Variants in SLC5A10 observed in about 807,000 individuals in gnomAD.
SLC5A10 encodes solute carrier family 5 member 10.
A neutral mutation model predicts 68.9 loss-of-function variants in SLC5A10; 55 were observed. The ratio of observed to expected loss-of-function variants is 0.80; its 90% CI spans 0.64 to 1.00. SLC5A10 has a LOEUF of 1.00. Among genes scored for constraint, SLC5A10 ranks in the 50% least tolerant of loss-of-function variants. SLC5A10 has a pLI of 0.00. For missense variants in SLC5A10, 732 were observed against 819.3 expected, an observed-to-expected ratio of 0.89 and a Z score of 1.30; for synonymous variants, 344 against 344.8, an observed-to-expected ratio of 1.00 and a Z score of 0.02.
intron 5 of SLC5A10, among the ~76,000 whole-genome samples, chr17:18,963,012 G>A (rs1266538835): frequency 1.3e-5 from 2 of 152,206 alleles, no homozygotes; most frequent in Non-Finnish European, 2.9e-5. Flanking sequence ...GAGCTCAGGA[G>A]TTCAAAACCA....
chr17:18,984,010 C>T (rs73306473), intron 9 of SLC5A10, among the ~76,000 whole-genome samples: 2,853 of 152,284 alleles, frequency 0.019, 90 homozygotes, highest in African/African-American at 0.064. Flanking sequence ...GTTAACAATG[C>T]CAAATGTCCC....
intron 9 of SLC5A10, among the ~76,000 whole-genome samples, chr17:19,002,279 AGCCAGGCCAGGG>A (rs1166881044): frequency 2.6e-5 from 4 of 152,358 alleles, no homozygotes; most frequent in Admixed American, 6.5e-5. Flanking sequence ...AATTGAGAGC[AGCCAGGCCAGGG>A]GCCAGGCGCC....
At chr17:19,001,558 C>G (rs1411618330) in intron 9 of SLC5A10, among the ~76,000 whole-genome samples, 3 of 152,254 alleles carry the variant, frequency 2.0e-5, no homozygotes, top group African/African-American at 7.2e-5. Context: ...CAGCTTCTTC[C>G]TGGCTATGTC....
At chr17:18,984,073 T>C (rs1360377396) in intron 9 of SLC5A10, among the ~76,000 whole-genome samples, 1 of 152,178 alleles carries the variant, frequency 6.6e-6, no homozygotes, top group Non-Finnish European at 1.5e-5. Flanking sequence ...CCGGGCGCGG[T>C]GGCTCACGCC....
At chr17:19,014,659 T>C (rs985738253) in intron 10 of SLC5A10, among the ~76,000 whole-genome samples, 1 of 152,218 alleles carries the variant, frequency 6.6e-6, no homozygotes, top group East Asian at 1.9e-4. Context: ...TGAGCTTCCA[T>C]TTCCTCATCT....
intron 5 of SLC5A10, among the ~76,000 whole-genome samples, chr17:18,965,102 AGAG>A (rs2151996491): frequency 6.8e-6 from 1 of 147,204 alleles, no homozygotes; most frequent in Non-Finnish European, 1.5e-5. Flanking sequence ...AAAAAAAAAA[AGAG>A]GAAATGCAGA....
At chr17:18,962,234 C>G (rs2042626502) in intron 5 of SLC5A10, among the ~76,000 whole-genome samples, 1 of 152,158 alleles carries the variant, frequency 6.6e-6, no homozygotes, top group Non-Finnish European at 1.5e-5. Flanking sequence ...GCATGAAACT[C>G]AGAAGAGGAC....
rs569317673 is a variant in SLC5A10, at chr17:18,971,923, C to G, written c.846+705C>G. Among the ~76,000 whole-genome samples the G allele has an allele frequency of 2.0e-5, 3 of 152,338 alleles. No homozygotes were observed. Among genetic ancestry groups the G allele is most frequent in the Admixed American group, 1.3e-4 (2 of 15,308 alleles). ...TTAGTCACTCGATGCCTCAGTTCCC[C>G]TGTCTGTAATATGGGAATAATCCTG... On this transcript the variant is annotated intron_variant, in intron 8 of 14. Transcript: ENST00000395645. The surrounding 1 kb of genome is among the most constrained non-coding windows in gnomAD (Gnocchi z 5.5).
At chr17:18,990,169 G>A (rs528529837) in intron 9 of SLC5A10, among the ~76,000 whole-genome samples, 69 of 152,316 alleles carry the variant, frequency 4.5e-4, no homozygotes, top group African/African-American at 1.7e-3. Flanking sequence ...CCCCAGGGCT[G>A]CCCAAGGTTA....
Position 19,019,821 on chromosome 17 carries a change from G to A in SLC5A10, c.1519G>A (p.Val507Ile), listed in dbSNP as rs375440009. ...PCGEPDTRPA[V>I]LGSIHYLHFA... ...CGGAGAGCCAGACACGCGGCCAGCCGTCCTGGGGAGCATCCACTACCTGCA... is the reference window on the plus strand; with the variant it reads ...CGGAGAGCCAGACACGCGGCCAGCCATCCTGGGGAGCATCCACTACCTGCA... Residue 507 changes from valine to isoleucine, a missense_variant, in exon 13 of 15, where the codon GTC (valine) becomes ATC (isoleucine). Transcript: ENST00000395645. 21 of 1,613,316 alleles carry A rather than the reference G, an allele frequency of 1.3e-5. No homozygotes were observed. The highest frequency in any genetic ancestry group is 1.6e-4 in the Middle Eastern group (1 of 6,074).
At position 18,957,348 on chromosome 17, in the gene SLC5A10, G is replaced by A. The variant is rs78638203; in HGVS notation, c.112-1334G>A. On this transcript the variant is annotated intron_variant, in intron 1 of 14. Transcript: ENST00000395645. ...TGGAGGACAAAATTCTATACTCCCC[G>A]TAAACCAAAGGCATGTGGGAATACG... 3.9e-5 allele frequency among the ~76,000 whole-genome samples: 6 copies of A among 152,190 alleles called. No homozygotes were observed. The South Asian group carries it at 1.2e-3, about 32-fold the overall frequency.
intron 10 of SLC5A10, 79 bp from the exon 11 acceptor site, chr17:19,014,970 G>A: frequency 6.6e-7 from 1 of 1,521,298 alleles, no homozygotes; most frequent in Non-Finnish European, 8.9e-7. Context: ...CGGGCCTCAG[G>A]CATTAGAGCC....
rs57881452 is a variant in SLC5A10, at chr17:19,004,621, G to A, written c.983-8789G>A. On this transcript the variant is annotated intron_variant, in intron 9 of 14. Transcript: ENST00000395645. The surrounding 1 kb of genome is among the most constrained non-coding windows in gnomAD (Gnocchi z 5.4). ...CCCGGAGGAGGCTGGGGCTCTGGGA[G>A]GGGTCCAGGAGACCCAGAAACGCGG... 0.056 allele frequency: 8,455 copies of A among 152,036 alleles called. 504 individuals carry two copies. The highest frequency in any genetic ancestry group is 0.31 in the South Asian group (1,519 of 4,830). 9.4% of individuals were successfully genotyped at this position (152,036 alleles called of 1,614,324 possible).
At chr17:18,994,212 C>T (rs1320378953) in intron 9 of SLC5A10, among the ~76,000 whole-genome samples, 5 of 152,184 alleles carry the variant, frequency 3.3e-5, no homozygotes, top group Non-Finnish European at 7.3e-5. Flanking sequence ...AATAAAAAAC[C>T]CGGATAAAAT....
At position 19,004,209 on chromosome 17, in the gene SLC5A10, G is replaced by A. The variant is rs2043816447; in HGVS notation, c.983-9201G>A. On this transcript the variant is annotated intron_variant, in intron 9 of 14. Transcript: ENST00000395645. The surrounding 1 kb of genome is among the most constrained non-coding windows in gnomAD (Gnocchi z 5.4). The stretch of plus-strand genomic sequence containing the variant: ...TGATGAGCCCGGCTCGGCGGGGAGG[G>A]CGGGCCGCGCGGGGAGGGGCGGCGG... 8.4e-6 allele frequency: 5 copies of A among 595,256 alleles called. No individual in the cohort carries two copies. The highest frequency in any genetic ancestry group is 2.3e-5 in the South Asian group (1 of 42,816). The allele number at this position is 595,256 out of a possible 1,614,324, so 36.9% of individuals were successfully genotyped here.
intron 9 of SLC5A10, chr17:18,979,207 C>T: frequency 2.1e-6 from 1 of 466,586 alleles, no homozygotes; most frequent in South Asian, 2.5e-5. Flanking sequence ...TAACCATGGG[C>T]AGCGCCCACC....
At chr17:19,014,257 G>T (rs2044082893) in intron 10 of SLC5A10, among the ~76,000 whole-genome samples, 1 of 152,260 alleles carries the variant, frequency 6.6e-6, no homozygotes, top group African/African-American at 2.4e-5. Context: ...GAGGCGACCA[G>T]CCTGAAGCCA....
chr17:18,963,099 G>C (rs1248799226), intron 5 of SLC5A10, among the ~76,000 whole-genome samples: 1 of 152,212 alleles, frequency 6.6e-6, no homozygotes, highest in African/African-American at 2.4e-5. Flanking sequence ...TGCGCCTGTA[G>C]CTACTCAGGA....
chr17:19,019,577 C>G lies in SLC5A10; in HGVS notation c.1396C>G (p.Arg466Gly), dbSNP rs768484267. ...CTTTGTCCTGGGCGTCTTCTGGCGA[C>G]GTGCCAACGAGCAGGTGGGCGTCGG... Reference protein sequence around the residue: ...AVFVLGVFWRRANEQGAFWGL... With the variant: ...AVFVLGVFWRGANEQGAFWGL... The change falls in exon 12 of 15, where the codon CGT (arginine) becomes GGT (glycine). Residue 466 changes from arginine to glycine, a missense_variant. Coordinates refer to ENST00000395645, the MANE Select transcript of SLC5A10 (RefSeq NM_001042450.4). 1 of 1,611,588 alleles carries G rather than the reference C, an allele frequency of 6.2e-7. No homozygotes were observed. Among genetic ancestry groups the G allele is most frequent in the South Asian group, 1.1e-5 (1 of 91,084 alleles).
Sources: allele counts gnomAD v4.1 joint callset (sites outside exome capture counted in the v4.1 genomes callset), GRCh38; gene constraint gnomAD v4.1.1; non-coding constraint Gnocchi (gnomAD v3.1); transcripts MANE v1.5; gene names NCBI Gene and HGNC (gene_info 2026-07-23, HGNC 2026-07-21).